DNAJA2: variants seen among roughly 807,000 people sequenced by gnomAD.
DNAJA2 encodes dnaJ homolog subfamily A member 2.
DNAJA2 carries 6 observed loss-of-function variants against 49.3 expected under a neutral mutation model. The observed-to-expected ratio is 0.12, with a 90% confidence interval of 0.07 to 0.24. The LOEUF (loss-of-function observed/expected upper bound fraction) is 0.24. DNAJA2 is among the 10% of genes least tolerant of loss of function. DNAJA2 has a pLI of 1.00. For missense variants in DNAJA2, 347 were observed against 516.8 expected, an observed-to-expected ratio of 0.67 and a Z score of 3.19; for synonymous variants, 160 against 172.7, an observed-to-expected ratio of 0.93 and a Z score of 0.58.
Position 46,959,754 on chromosome 16 carries a change from A to G in DNAJA2, c.775-335T>C, listed in dbSNP as rs910952422. ...CTGGTGAAAAAGGTACAGAATGCCC[A>G]GAGGGCTCCTACAGAACAGGCTCAC... On this transcript the variant is annotated intron_variant, in intron 6 of 8. Coordinates refer to ENST00000317089, the MANE Select transcript of DNAJA2 (RefSeq NM_005880.4). 7 of 206,628 alleles carry G rather than the reference A, an allele frequency of 3.4e-5. No homozygotes were observed. The East Asian group carries it at 7.8e-4, about 23-fold the overall frequency. 12.8% of individuals were successfully genotyped at this position (206,628 alleles called of 1,614,324 possible). A position where few individuals can be genotyped will look rare whatever the true frequency, so the allele number is the denominator to read the frequency against.
chr16:46,963,448 C>T (rs750544002), intron 6 of DNAJA2, among the ~76,000 whole-genome samples: 3 of 151,484 alleles, frequency 2.0e-5, no homozygotes, highest in African/African-American at 7.3e-5. Context: ...ACAGGAGGAT[C>T]GCTTGAGCTC....
At chr16:46,964,077 C>T (rs1376043226) in intron 6 of DNAJA2, among the ~76,000 whole-genome samples, 1 of 152,030 alleles carries the variant, frequency 6.6e-6, no homozygotes, top group African/African-American at 2.4e-5. Context: ...GTCACACACA[C>T]ACAAAAAAGA....
intron 8 of DNAJA2, among the ~76,000 whole-genome samples, chr16:46,958,268 T>G (rs1961844508): frequency 6.6e-6 from 1 of 150,412 alleles, no homozygotes. Flanking sequence ...AGAAAGAAAC[T>G]TGGCTGGGTG....
At position 46,967,657 on chromosome 16, in the gene DNAJA2, C is replaced by T. The variant is rs1306865944; in HGVS notation, c.444-11G>A. The T allele has an allele frequency of 1.2e-6, 2 of 1,614,126 alleles. No homozygotes were observed. The highest frequency in any genetic ancestry group is 3.3e-5 in the Admixed American group (2 of 60,004). On this transcript the variant is annotated splice_polypyrimidine_tract_variant and intron_variant, in intron 4 of 8. Coordinates refer to ENST00000317089, the MANE Select transcript of DNAJA2 (RefSeq NM_005880.4). ...GACTTTCCGCCTTGGCTAAAGCAAG[C>T]ACAAGTTATGCATTAGGTTTTTGTC...
chr16:46,973,325 G>A (rs1332903864), intron 1 of DNAJA2, among the ~76,000 whole-genome samples, 170 bp downstream of exon 1: 1 of 150,874 alleles, frequency 6.6e-6, no homozygotes, highest in East Asian at 1.9e-4. Flanking sequence ...AGGCCGGAGT[G>A]CGCGGCTCGC....
rs764020447 is a variant in DNAJA2, at chr16:46,962,991, C to T, written c.774+1620G>A. Among the ~76,000 whole-genome samples, 13 of 152,264 alleles carry T rather than the reference C, an allele frequency of 8.5e-5. No individual in the cohort carries two copies. In the South Asian group the frequency reaches 1.9e-3, roughly 22 times the overall value. ...TGAAGAAATGATCACCACAGAAGGACGATCTCCTTCTTTATCAAATATAAC... is the reference window on the plus strand; with the variant it reads ...TGAAGAAATGATCACCACAGAAGGATGATCTCCTTCTTTATCAAATATAAC... On this transcript the variant is annotated intron_variant, in intron 6 of 8. Transcript: ENST00000317089.
At position 46,964,705 on chromosome 16, in the gene DNAJA2, T is replaced by C; in HGVS notation, c.680A>G (p.His227Arg). The C allele has an allele frequency of 1.2e-6, 2 of 1,614,222 alleles. No individual in the cohort carries two copies. The highest frequency in any genetic ancestry group is 8.5e-7 in the Non-Finnish European group (1 of 1,180,026). Reference sequence around the variant, plus strand: ...CCCAGTGAATGTAATTCTCTGTCCATGTTTCATGCCTTTGTCTACGTGGAC... The same window carrying C: ...CCCAGTGAATGTAATTCTCTGTCCACGTTTCATGCCTTTGTCTACGTGGAC... ...LEVHVDKGMK[H>R]GQRITFTGEA... The change falls in exon 6 of 9, where the codon CAT becomes CGT. Residue 227 changes from histidine to arginine, a missense_variant. His to Arg is a conservative substitution (Grantham distance 29). Coordinates refer to ENST00000317089, the MANE Select transcript of DNAJA2 (RefSeq NM_005880.4).
rs1194957019 is a variant in DNAJA2 at position 46,955,407 on chromosome 16, GCCA to G, written c.*1619_*1621del. 9 of 152,280 alleles carry G rather than the reference GCCA, an allele frequency of 5.9e-5. No individual in the cohort carries two copies. The South Asian group carries it at 8.3e-4, about 14-fold the overall frequency. The allele number at this position is 152,280 out of a possible 1,614,324, so 9.4% of individuals were successfully genotyped here. ...TTGGAAAGGCTACAAACTTTATATT[GCCA>G]CCACATTTCTTATGTTTAAAGTGGT... On this transcript the variant is annotated 3_prime_UTR_variant, in exon 9 of 9. Transcript: ENST00000317089.
intron 6 of DNAJA2, among the ~76,000 whole-genome samples, chr16:46,960,658 A>G (rs1415554247): frequency 6.6e-6 from 1 of 152,172 alleles, no homozygotes; most frequent in Non-Finnish European, 1.5e-5. Flanking sequence ...ACGCGCCTGT[A>G]GTCCCAGCTA....
intron 8 of DNAJA2, among the ~76,000 whole-genome samples, chr16:46,958,195 G>A (rs1300591516): frequency 2.6e-5 from 4 of 151,912 alleles, no homozygotes; most frequent in Non-Finnish European, 5.9e-5. Context: ...GTACACACCC[G>A]TAGCAAGCCA....
At chr16:46,968,045 C>T (rs1376148925) in intron 4 of DNAJA2, 39 bp downstream of exon 4, 3 of 1,509,314 alleles carry the variant, frequency 2.0e-6, no homozygotes, top group Non-Finnish European at 1.8e-6. Context: ...CTTAAAAGAA[C>T]AGACAAAATG....
intron 6 of DNAJA2, among the ~76,000 whole-genome samples, chr16:46,960,207 T>G (rs1224395732): frequency 1.3e-5 from 2 of 152,218 alleles, no homozygotes; most frequent in African/African-American, 2.4e-5. Context: ...TAAACAAAGT[T>G]AAACCATTAC....
intron 1 of DNAJA2, among the ~76,000 whole-genome samples, chr16:46,973,168 G>A (rs1962081423): frequency 6.6e-6 from 1 of 152,164 alleles, no homozygotes; most frequent in African/African-American, 2.4e-5. Context: ...GCGAAGGACC[G>A]GGCGAGCTGC....
At chr16:46,968,785 G>A (rs1962008370) in intron 3 of DNAJA2, among the ~76,000 whole-genome samples, 1 of 152,214 alleles carries the variant, frequency 6.6e-6, no homozygotes, top group African/African-American at 2.4e-5. Flanking sequence ...AGTGGCTCAT[G>A]CCTATAATCC....
intron 1 of DNAJA2, 160 bp from the exon 2 acceptor site, chr16:46,972,115 C>T: frequency 1.6e-6 from 1 of 616,268 alleles, no homozygotes; most frequent in South Asian, 1.9e-5. Flanking sequence ...TCTCGCGATA[C>T]TGTTTACTAA....
At chr16:46,966,159 C>A (rs1435693004) in intron 5 of DNAJA2, among the ~76,000 whole-genome samples, 1 of 152,018 alleles carries the variant, frequency 6.6e-6, no homozygotes, top group Non-Finnish European at 1.5e-5. Flanking sequence ...TCAGCGTGGG[C>A]GGTGGAGGCT....
chr16:46,968,227 G>C (rs1408543997), intron 3 of DNAJA2, 63 bp from the exon 4 acceptor site: 35 of 1,144,878 alleles, frequency 3.1e-5, no homozygotes, highest in Non-Finnish European at 4.4e-5. Flanking sequence ...CAAGATATAA[G>C]TAACAGCTGA....
intron 2 of DNAJA2, 88 bp from the exon 3 acceptor site, chr16:46,971,660 CT>C (rs764209848): frequency 4.1e-5 from 7 of 172,718 alleles, no homozygotes; most frequent in African/African-American, 2.5e-4. Context: ...CCATTTAATT[CT>C]AAAAAAAAAA....
In DNAJA2 at chr16:46,956,932, A is replaced by G; in HGVS notation, c.*97T>C. On this transcript the variant is annotated 3_prime_UTR_variant, in exon 9 of 9. Transcript: ENST00000317089. ...ATACATAGACCAACAGATGTCCCTC[A>G]GTTCATCTGGATTGATAAGACACTC... is the stretch of plus-strand genomic sequence containing the variant. 7.7e-7 allele frequency: 1 copy of G among 1,304,492 alleles called. No individual in the cohort carries two copies. The highest frequency in any genetic ancestry group is 1.1e-6 in the Non-Finnish European group (1 of 902,614). The allele number at this position is 1,304,492 out of a possible 1,614,324, so 80.8% of individuals were successfully genotyped here.
Sources: allele counts gnomAD v4.1 joint callset (sites outside exome capture counted in the v4.1 genomes callset), GRCh38; gene constraint gnomAD v4.1.1; transcripts MANE v1.5; gene names NCBI Gene and HGNC (gene_info 2026-07-23, HGNC 2026-07-21).